ATF1: variants seen among roughly 807,000 people sequenced by gnomAD.
The protein encoded by ATF1 is activating transcription factor 1.
ATF1 carries 16 observed loss-of-function variants against 34.7 expected under a neutral mutation model. The ratio of observed to expected loss-of-function variants is 0.46; its 90% confidence interval spans 0.31 to 0.70. ATF1 has a LOEUF of 0.70. ATF1 is among the 30% of genes least tolerant of loss of function. The probability of loss-of-function intolerance (pLI) is 0.05; values close to 1 mark genes in which losing one functional copy is unlikely to be tolerated. For missense variants in ATF1, 255 were observed against 321.6 expected (o/e 0.79, Z 1.58); for synonymous variants, 105 against 113.1 (o/e 0.93, Z 0.46).
At chr12:50,797,583 C>T (rs1941433169) in intron 3 of ATF1, among the ~76,000 whole-genome samples, 1 of 152,128 alleles carries the variant, frequency 6.6e-6, no homozygotes, top group Non-Finnish European at 1.5e-5. Context: ...GGGTCAGCTC[C>T]TCAGCCTCCT....
At chr12:50,771,576 G>C (rs1940771197) in intron 1 of ATF1, among the ~76,000 whole-genome samples, 1 of 151,970 alleles carries the variant, frequency 6.6e-6, no homozygotes, top group Non-Finnish European at 1.5e-5. Flanking sequence ...GCAACCCTTA[G>C]GATTAAGGGT....
intron 1 of ATF1, among the ~76,000 whole-genome samples, chr12:50,772,131 G>C (rs1446352877): frequency 6.6e-6 from 1 of 152,086 alleles, no homozygotes; most frequent in Non-Finnish European, 1.5e-5. Context: ...TTGGGGTCTG[G>C]ATTGGGACCC....
At chr12:50,778,449 T>A (rs761763530) in intron 1 of ATF1, among the ~76,000 whole-genome samples, 4 of 151,548 alleles carry the variant, frequency 2.6e-5, no homozygotes, top group Non-Finnish European at 5.9e-5. Flanking sequence ...GGTCTCGATC[T>A]CTTGACCTCG....
At chr12:50,788,232 G>A (rs143075083) in intron 2 of ATF1, 1 of 453,012 alleles carries the variant, frequency 2.2e-6, no homozygotes, top group East Asian at 7.0e-5. Flanking sequence ...ACCCAGACTG[G>A]TGTGCAGTAG....
At position 50,778,980 on chromosome 12, in the gene ATF1, T is replaced by G. The variant is rs116494812; in HGVS notation, c.-6-1160T>G. On this transcript the variant is annotated intron_variant, in intron 1 of 6. Coordinates refer to ENST00000262053, the MANE Select transcript of ATF1 (RefSeq NM_005171.5). ...ACTTCCTGTTTCTGTGGAGTTTTGC[T>G]ACTCTAGATACGTCAAGTTAGTGGA... 2.1e-3 allele frequency among the ~76,000 whole-genome samples: 321 copies of G among 152,328 alleles called. 1 individual carries two copies. Among genetic ancestry groups the G allele is most frequent in the African/African-American group, 7.3e-3 (302 of 41,582 alleles).
At chr12:50,803,991 TA>T (rs1448337143) in intron 3 of ATF1, among the ~76,000 whole-genome samples, 2 of 152,174 alleles carry the variant, frequency 1.3e-5, no homozygotes, top group Non-Finnish European at 2.9e-5. Flanking sequence ...AAGTTTCTTT[TA>T]GGGGGACAAA....
At chr12:50,767,468 C>T (rs948868684) in intron 1 of ATF1, among the ~76,000 whole-genome samples, 8 of 152,240 alleles carry the variant, frequency 5.3e-5, no homozygotes, top group African/African-American at 1.7e-4. Flanking sequence ...TGCAGTGAGC[C>T]GAGATCGTGC....
chr12:50,789,973 C>G (rs1186490455), intron 2 of ATF1, among the ~76,000 whole-genome samples: 1 of 152,136 alleles, frequency 6.6e-6, no homozygotes, highest in East Asian at 1.9e-4. Flanking sequence ...GCCTATTTTC[C>G]TTTTCAACCT....
intron 4 of ATF1, 121 bp downstream of exon 4, chr12:50,809,710 GC>G: frequency 8.9e-7 from 1 of 1,118,668 alleles, no homozygotes; most frequent in Non-Finnish European, 1.2e-6. Flanking sequence ...GATGTTTTCA[GC>G]CAGGAATAAT....
At chr12:50,781,907 C>A (rs7487150) in intron 2 of ATF1, among the ~76,000 whole-genome samples, 1 of 137,546 alleles carries the variant, frequency 7.3e-6, no homozygotes, top group Non-Finnish European at 1.6e-5. Context: ...AGAGTGAGAC[C>A]CTATCTCCAA....
rs34967117 is a variant in ATF1, at chr12:50,820,174, A to ATG, written c.*411_*412dup. 43,795 of 213,028 alleles carry ATG rather than the reference A, an allele frequency of 0.21. 5,549 individuals carry two copies. The highest frequency in any genetic ancestry group is 0.29 in the Non-Finnish European group (30,105 of 104,960). 13.2% of individuals were successfully genotyped at this position (213,028 alleles called of 1,614,324 possible). A position where few individuals can be genotyped will look rare whatever the true frequency, so the allele number is the denominator to read the frequency against. Reference sequence around the variant, plus strand: ...AATTTACCTTTTTTTAGTTATATATATGTGTGTGTGTGTGTGTAATTTCTG... The same window carrying ATG: ...AATTTACCTTTTTTTAGTTATATATATGTGTGTGTGTGTGTGTGTAATTTCTG... On this transcript the variant is annotated 3_prime_UTR_variant, in exon 7 of 7. Transcript: ENST00000262053.
intron 1 of ATF1, among the ~76,000 whole-genome samples, chr12:50,767,417 G>A (rs1940663895): frequency 6.6e-6 from 1 of 152,186 alleles, no homozygotes; most frequent in Non-Finnish European, 1.5e-5. Flanking sequence ...CTACTTGGGA[G>A]GCTGAGGCAG....
At chr12:50,772,007 C>T (rs928554917) in intron 1 of ATF1, among the ~76,000 whole-genome samples, 1 of 152,222 alleles carries the variant, frequency 6.6e-6, no homozygotes, top group South Asian at 2.1e-4. Flanking sequence ...CTCGGGGCTG[C>T]TCTGTCTATG....
At chr12:50,780,875 G>A (rs964337241) in intron 2 of ATF1, among the ~76,000 whole-genome samples, 1 of 152,008 alleles carries the variant, frequency 6.6e-6, no homozygotes, top group Non-Finnish European at 1.5e-5. Context: ...CAGGAGAATC[G>A]CTTGAGCCTG....
intron 2 of ATF1, among the ~76,000 whole-genome samples, chr12:50,794,526 C>T (rs1462015670): frequency 6.6e-6 from 1 of 151,380 alleles, no homozygotes. Flanking sequence ...GATCGTGCCA[C>T]TGCACTCCAG....
At chr12:50,764,066 G>T (rs970535887), upstream of ATF1, 1 of 44,052 alleles carries the variant, frequency 2.3e-5, no homozygotes, top group Non-Finnish European at 5.1e-5. Flanking sequence ...CCCCGCCCCC[G>T]CCCCCGCCCC....
chr12:50,806,429 C>G (rs1392465831), intron 3 of ATF1: 1 of 465,262 alleles, frequency 2.1e-6, no homozygotes, highest in African/African-American at 2.0e-5. Context: ...CCCATCAACA[C>G]CAGGTTCTGC....
intron 1 of ATF1, chr12:50,775,543 C>T (rs1940897665): frequency 6.6e-6 from 1 of 152,044 alleles, no homozygotes; most frequent in African/African-American, 2.4e-5. Context: ...GCATGCGCCA[C>T]CACACCTTGC....
chr12:50,798,925 A>G (rs1364649997), intron 3 of ATF1, among the ~76,000 whole-genome samples: 1 of 152,234 alleles, frequency 6.6e-6, no homozygotes, highest in Non-Finnish European at 1.5e-5. Flanking sequence ...TGTATAGGAC[A>G]GATCACCATT....
Sources: allele counts gnomAD v4.1 joint callset (sites outside exome capture counted in the v4.1 genomes callset), GRCh38; gene constraint gnomAD v4.1.1; transcripts MANE v1.5; gene names NCBI Gene and HGNC (gene_info 2026-07-23, HGNC 2026-07-21).